DGKB: variants seen among roughly 807,000 people sequenced by gnomAD.
DGKB encodes the protein 90 kDa diacylglycerol kinase.
DGKB carries 67 observed loss-of-function variants against 114.3 expected under a neutral mutation model. The observed-to-expected ratio is 0.59, with a 90% CI of 0.48 to 0.72. DGKB has a LOEUF of 0.72. Among genes scored for constraint, DGKB ranks in the 30% least tolerant of loss-of-function variants. The pLI is 0.00. For missense variants in DGKB, 907 were observed against 975.2 expected (o/e 0.93, Z 0.93); for synonymous variants, 398 against 323.1 (o/e 1.23, Z -2.49).
At chr7:14,518,377 G>C (rs1387921108) in intron 20 of DGKB, among the ~76,000 whole-genome samples, 1 of 151,626 alleles carries the variant, frequency 6.6e-6, no homozygotes, top group African/African-American at 2.4e-5. Context: ...TTATTACCTG[G>C]GTAGCAAAAT....
At chr7:14,951,143 C>A (rs1477058299) in intron 1 of DGKB, among the ~76,000 whole-genome samples, 1 of 151,920 alleles carries the variant, frequency 6.6e-6, no homozygotes, top group Non-Finnish European at 1.5e-5. Context: ...AGCTAACATC[C>A]TGCTTAATAG....
chr7:14,561,169 T>G (rs1477256625), intron 20 of DGKB, among the ~76,000 whole-genome samples: 2 of 152,106 alleles, frequency 1.3e-5, no homozygotes, highest in South Asian at 2.1e-4. Context: ...CTTCTCATGA[T>G]AGTGAATAAG....
At chr7:14,300,757 C>A (rs919579572) in intron 23 of DGKB, among the ~76,000 whole-genome samples, 5 of 152,068 alleles carry the variant, frequency 3.3e-5, no homozygotes, top group Non-Finnish European at 7.4e-5. Flanking sequence ...AAAATGTCTC[C>A]TATATGGCTG....
chr7:14,873,545 T>C (rs181210070), intron 1 of DGKB, among the ~76,000 whole-genome samples: 1 of 152,178 alleles, frequency 6.6e-6, no homozygotes, highest in East Asian at 1.9e-4. Flanking sequence ...TTGAACAATG[T>C]ATCTATAATT....
Position 14,148,191 on chromosome 7 carries a change from A to G in DGKB, c.*940T>C, listed in dbSNP as rs1280767307. On this transcript the variant is annotated 3_prime_UTR_variant, in exon 26 of 26. Coordinates refer to ENST00000402815, the MANE Select transcript of DGKB (RefSeq NM_001350709.2). ...AAGGTGAGAATTTTAATCATAATTA[A>G]TGGGCAACTCACTCGCTTTCCAGCA... is the stretch of plus-strand genomic sequence containing the variant. 3 of 152,604 alleles carry G rather than the reference A, an allele frequency of 2.0e-5. No individual in the cohort carries two copies. The highest frequency in any genetic ancestry group is 4.4e-5 in the Non-Finnish European group (3 of 68,026). 9.5% of individuals were successfully genotyped at this position (152,604 alleles called of 1,614,324 possible).
chr7:14,377,681 C>T (rs777175307), intron 21 of DGKB, among the ~76,000 whole-genome samples: 18 of 152,140 alleles, frequency 1.2e-4, no homozygotes, highest in Middle Eastern at 6.3e-3. Flanking sequence ...CCTAGCTTGG[C>T]CCCCAAGATG....
chr7:14,961,529 A>G (rs1261791844), intron 1 of DGKB, among the ~76,000 whole-genome samples: 1 of 152,134 alleles, frequency 6.6e-6, no homozygotes, highest in Non-Finnish European at 1.5e-5. Flanking sequence ...CCACCTGCCC[A>G]GATCTGAAAA....
intron 23 of DGKB, among the ~76,000 whole-genome samples, chr7:14,315,283 T>C (rs1213709812): frequency 5.3e-5 from 8 of 150,910 alleles, no homozygotes; most frequent in Non-Finnish European, 8.9e-5. Context: ...CACATAACAC[T>C]ATTAACTTTA....
chr7:14,645,412 C>T (rs189630857), intron 13 of DGKB, among the ~76,000 whole-genome samples: 67 of 152,102 alleles, frequency 4.4e-4, no homozygotes, highest in African/African-American at 1.4e-3. Flanking sequence ...CTCTGCCGCT[C>T]GCCGAACAAC....
chr7:14,892,318 G>A (rs1587247392), intron 1 of DGKB, among the ~76,000 whole-genome samples: 1 of 151,118 alleles, frequency 6.6e-6, no homozygotes, highest in Middle Eastern at 3.2e-3. Flanking sequence ...TTTCTGCCAA[G>A]GATAATTGAC....
chr7:14,547,289 C>T (rs1356539518), intron 20 of DGKB, among the ~76,000 whole-genome samples: 1 of 152,068 alleles, frequency 6.6e-6, no homozygotes, highest in Non-Finnish European at 1.5e-5. Flanking sequence ...AAGAAATCAG[C>T]TTTATTTTCA....
chr7:14,753,101 T>G lies in DGKB; in HGVS notation c.168+827A>C, dbSNP rs80306261. Among the ~76,000 whole-genome samples, 1,407 of 152,322 alleles carry G rather than the reference T, an allele frequency of 9.2e-3. 25 individuals carry two copies. Among genetic ancestry groups the G allele is most frequent in the African/African-American group, 0.032 (1,340 of 41,566 alleles). On this transcript the variant is annotated intron_variant, in intron 4 of 25. Transcript: ENST00000402815. Reference sequence around the variant, plus strand: ...TAAGTCCACCAGTATCATTCTGATGTTATAATTGTACTTTACGTGTTGGAC... The same window carrying G: ...TAAGTCCACCAGTATCATTCTGATGGTATAATTGTACTTTACGTGTTGGAC...
intron 23 of DGKB, among the ~76,000 whole-genome samples, chr7:14,213,963 C>A (rs1234596253): frequency 3.9e-5 from 6 of 152,070 alleles, no homozygotes; most frequent in Admixed American, 3.9e-4. Flanking sequence ...TGAGGTTTTA[C>A]ATGTTGCGTT....
intron 7 of DGKB, among the ~76,000 whole-genome samples, chr7:14,700,740 G>C (rs1006716188): frequency 6.6e-6 from 1 of 152,030 alleles, no homozygotes; most frequent in East Asian, 1.9e-4. Context: ...ATCAGATGAC[G>C]AGAAAAACTC....
At chr7:14,510,121 G>T (rs12531531) in intron 20 of DGKB, among the ~76,000 whole-genome samples, 2 of 152,144 alleles carry the variant, frequency 1.3e-5, no homozygotes, top group Non-Finnish European at 2.9e-5. Flanking sequence ...GACCAATCAG[G>T]GTGGTGGTTG....
chr7:14,838,987 T>C (rs1033025034), intron 2 of DGKB, among the ~76,000 whole-genome samples: 1 of 152,180 alleles, frequency 6.6e-6, no homozygotes, highest in Admixed American at 6.6e-5. Context: ...TAAATATTTG[T>C]TTCAAATCCT....
intron 20 of DGKB, among the ~76,000 whole-genome samples, chr7:14,482,049 G>C (rs186415708): frequency 1.0e-3 from 153 of 151,964 alleles, no homozygotes; most frequent in Middle Eastern, 6.8e-3. Context: ...AATTGACTGG[G>C]TTCAAGACCC....
chr7:14,412,468 A>T (rs2128747336), intron 21 of DGKB, among the ~76,000 whole-genome samples: 1 of 152,270 alleles, frequency 6.6e-6, no homozygotes, highest in Admixed American at 6.5e-5. Context: ...CATACATAGC[A>T]AAAAGGGGAG....
intron 13 of DGKB, among the ~76,000 whole-genome samples, chr7:14,666,780 T>A (rs1818104389): frequency 6.6e-6 from 1 of 151,832 alleles, no homozygotes; most frequent in African/African-American, 2.4e-5. Context: ...ATTTTTTTTC[T>A]TAAAAAAAAG....
Sources: allele counts gnomAD v4.1 joint callset (sites outside exome capture counted in the v4.1 genomes callset), GRCh38; gene constraint gnomAD v4.1.1; transcripts MANE v1.5; gene names NCBI Gene and HGNC (gene_info 2026-07-23, HGNC 2026-07-21).